P2RY14: variants seen among roughly 807,000 people sequenced by gnomAD.
The protein encoded by P2RY14 is P2Y purinoceptor 14.
Under a neutral mutation model 0.9 loss-of-function variants are expected in P2RY14, and 2 were observed. The observed-to-expected ratio is 2.16, with a 90% CI of 0.88 to 6.79. The LOEUF is 6.79. Among genes scored for constraint, P2RY14 ranks in the 30% most tolerant of loss-of-function variants. The probability of loss-of-function intolerance (pLI) is 0.05; values close to 1 mark genes in which losing one functional copy is unlikely to be tolerated. For synonymous variants in P2RY14, 158 were observed against 147.2 expected (o/e 1.07, Z -0.53); for missense variants, 378 against 400.1 (o/e 0.94, Z 0.47).
At chr3:151,276,136 C>CCCAGG (rs1741812514) in intron 1 of P2RY14, among the ~76,000 whole-genome samples, 1 of 152,224 alleles carries the variant, frequency 6.6e-6, no homozygotes, top group Non-Finnish European at 1.5e-5. Flanking sequence ...CTGGATCTGT[C>CCCAGG]CCAGGACATG....
intron 1 of P2RY14, among the ~76,000 whole-genome samples, chr3:151,236,380 A>G (rs1732805770): frequency 6.6e-6 from 1 of 152,214 alleles, no homozygotes; most frequent in Admixed American, 6.5e-5. Context: ...AATTAGAATA[A>G]TCATAATTCT....
At chr3:151,221,960 C>T (rs1386866754) in intron 1 of P2RY14, among the ~76,000 whole-genome samples, 5 of 152,206 alleles carry the variant, frequency 3.3e-5, no homozygotes, top group Non-Finnish European at 5.9e-5. Context: ...GAGGCTGTAC[C>T]CTGCAAAGCC....
At chr3:151,217,417 C>T (rs930159622) in intron 2 of P2RY14, among the ~76,000 whole-genome samples, 1 of 152,226 alleles carries the variant, frequency 6.6e-6, no homozygotes, top group South Asian at 2.1e-4. Flanking sequence ...TGGTGATATA[C>T]ACCATTCCCC....
intron 1 of P2RY14, among the ~76,000 whole-genome samples, chr3:151,277,148 C>T (rs1396532325): frequency 6.6e-6 from 1 of 151,938 alleles, no homozygotes; most frequent in East Asian, 1.9e-4. Flanking sequence ...CCTGAGGCCA[C>T]TCACCTTGGC....
chr3:151,269,825 T>A, intron 1 of P2RY14: 1 of 434,390 alleles, frequency 2.3e-6, no homozygotes. Context: ...ATGAAAACGT[T>A]CCAGTCAAAC....
In P2RY14 at chr3:151,214,201, A is replaced by T. The variant is rs200366854; in HGVS notation, c.116T>A (p.Leu39His). The change falls in exon 3 of 3, where the codon CTC (leucine) becomes CAC (histidine). Residue 39 changes from leucine to histidine, a missense_variant. Transcript: ENST00000309170. ...GAATATCCATCCTGACACTCCATTG[A>T]GTAGGATTCCTGCAATGAAGACCAT... ...YCMVFIAGIL[L>H]NGVSGWIFFY... The T allele has an allele frequency of 2.2e-4, 349 of 1,613,908 alleles. 3 individuals carry two copies. In the Admixed American group the frequency reaches 5.1e-3, roughly 23 times the overall value.
intron 1 of P2RY14, among the ~76,000 whole-genome samples, chr3:151,241,510 G>GGGACTGAT (rs1246483841): frequency 4.6e-5 from 7 of 152,134 alleles, no homozygotes; most frequent in Non-Finnish European, 1.5e-5. Flanking sequence ...TATAATGGAT[G>GGGACTGAT]GGACTGATGG....
intron 1 of P2RY14, among the ~76,000 whole-genome samples, chr3:151,242,432 C>G (rs1328123111): frequency 1.3e-5 from 2 of 152,174 alleles, no homozygotes; most frequent in African/African-American, 4.8e-5. Context: ...GATCTGAGAA[C>G]CGGCAGACTG....
chr3:151,229,400 G>A (rs942209384), intron 1 of P2RY14, among the ~76,000 whole-genome samples: 5 of 148,584 alleles, frequency 3.4e-5, no homozygotes, highest in East Asian at 2.0e-4. Context: ...CTCGCCTCCC[G>A]GGTTCAAGCG....
At chr3:151,233,772 C>T (rs1266508743) in intron 1 of P2RY14, among the ~76,000 whole-genome samples, 1 of 152,164 alleles carries the variant, frequency 6.6e-6, no homozygotes, top group South Asian at 2.1e-4. Context: ...GACTTGAGAG[C>T]GAGAGTCCCA....
At chr3:151,254,698 A>C (rs749017639) in intron 1 of P2RY14, among the ~76,000 whole-genome samples, 1 of 152,232 alleles carries the variant, frequency 6.6e-6, no homozygotes, top group Non-Finnish European at 1.5e-5. Flanking sequence ...CGCAGCATAG[A>C]TGCTTCTTAG....
intron 1 of P2RY14, among the ~76,000 whole-genome samples, chr3:151,223,044 T>A (rs1005987415): frequency 7.9e-5 from 12 of 152,150 alleles, no homozygotes; most frequent in Non-Finnish European, 1.6e-4. Context: ...GTCATGAGAT[T>A]CTCTTTGGAA....
intron 1 of P2RY14, among the ~76,000 whole-genome samples, chr3:151,249,789 A>C (rs1346410012): frequency 6.6e-6 from 1 of 152,126 alleles, no homozygotes; most frequent in African/African-American, 2.4e-5. Context: ...TTCTTTAACA[A>C]GTTCTTCCTG....
chr3:151,224,523 T>C (rs937575222), intron 1 of P2RY14, among the ~76,000 whole-genome samples: 2 of 152,236 alleles, frequency 1.3e-5, no homozygotes. Flanking sequence ...TATAGTTGTG[T>C]TATTACATTT....
intron 1 of P2RY14, among the ~76,000 whole-genome samples, chr3:151,257,484 C>T (rs908336400): frequency 6.6e-6 from 1 of 152,250 alleles, no homozygotes; most frequent in African/African-American, 2.4e-5. Context: ...CTTAACCTCT[C>T]TGTGCTTCAG....
chr3:151,263,850 T>C (rs1413161497), intron 1 of P2RY14, among the ~76,000 whole-genome samples: 2 of 152,196 alleles, frequency 1.3e-5, no homozygotes, highest in African/African-American at 4.8e-5. Flanking sequence ...CCCATAGGGT[T>C]GTGGTAAGAG....
chr3:151,230,026 G>A (rs1366185419), intron 1 of P2RY14, among the ~76,000 whole-genome samples: 1 of 152,044 alleles, frequency 6.6e-6, no homozygotes, highest in Admixed American at 6.5e-5. Context: ...CTGGAGTGCA[G>A]TGGTGCGATC....
chr3:151,230,157 G>A (rs1042389619), intron 1 of P2RY14, among the ~76,000 whole-genome samples: 1 of 152,000 alleles, frequency 6.6e-6, no homozygotes, highest in African/African-American at 2.4e-5. Context: ...TGCATTTTTA[G>A]TAGAGACGGG....
At chr3:151,247,616 GTC>G (rs1559934221) in intron 1 of P2RY14, among the ~76,000 whole-genome samples, 23 of 123,844 alleles carry the variant, frequency 1.9e-4, no homozygotes, top group Non-Finnish European at 3.5e-4. Flanking sequence ...CTGTTGTGGG[GTC>G]GGGGAGGGGG....
Sources: allele counts gnomAD v4.1 joint callset (sites outside exome capture counted in the v4.1 genomes callset), GRCh38; gene constraint gnomAD v4.1.1; transcripts MANE v1.5; gene names NCBI Gene and HGNC (gene_info 2026-07-23, HGNC 2026-07-21).